MICU1: variants seen among roughly 807,000 people sequenced by gnomAD.
The protein encoded by MICU1 is mitochondrial calcium uptake 1.
MICU1 carries 45 observed loss-of-function variants against 56.8 expected under a neutral mutation model. That is an observed-to-expected ratio of 0.79 (90% CI 0.62 to 1.02). MICU1 has a LOEUF of 1.02. Ranked by LOEUF, MICU1 falls within the 50% of genes least tolerant of loss-of-function variation. MICU1 has a pLI of 0.00. For missense variants in MICU1, 504 were observed against 587.1 expected (o/e 0.86, Z 1.46); for synonymous variants, 186 against 195.1 (o/e 0.95, Z 0.39).
intron 1 of MICU1, among the ~76,000 whole-genome samples, chr10:72,624,697 T>C (rs1293218377): frequency 6.6e-6 from 1 of 152,180 alleles, no homozygotes; most frequent in Non-Finnish European, 1.5e-5. Flanking sequence ...GTTTTATGGC[T>C]CTCAGTAAGG....
chr10:72,449,321 C>T (rs1202625628), intron 8 of MICU1, among the ~76,000 whole-genome samples: 2 of 152,080 alleles, frequency 1.3e-5, no homozygotes, highest in Non-Finnish European at 2.9e-5. Flanking sequence ...TTGCTTGAAC[C>T]CAGGAGGCAG....
intron 9 of MICU1, among the ~76,000 whole-genome samples, chr10:72,421,022 T>G (rs201927599): frequency 1.5e-5 from 2 of 136,508 alleles, no homozygotes; most frequent in Non-Finnish European, 3.2e-5. Flanking sequence ...AAAAAAATAA[T>G]AATAATAATA....
chr10:72,404,555 A>G (rs577951686), intron 10 of MICU1, among the ~76,000 whole-genome samples: 170 of 133,198 alleles, frequency 1.3e-3, no homozygotes, highest in African/African-American at 6.8e-3. Context: ...TTTTTTAAAA[A>G]AGAAAGAGAA....
At chr10:72,403,774 G>A (rs1451501703) in intron 10 of MICU1, among the ~76,000 whole-genome samples, 1 of 151,526 alleles carries the variant, frequency 6.6e-6, no homozygotes, top group Non-Finnish European at 1.5e-5. Context: ...TCCTGCCTCA[G>A]CCTCCCAAGT....
intron 5 of MICU1, among the ~76,000 whole-genome samples, chr10:72,511,769 C>G (rs528175676): frequency 6.6e-6 from 1 of 152,314 alleles, no homozygotes; most frequent in East Asian, 1.9e-4. Context: ...TGCTTACACA[C>G]AATAAATGCT....
chr10:72,455,960 G>A (rs2132224516), intron 8 of MICU1, among the ~76,000 whole-genome samples: 1 of 152,274 alleles, frequency 6.6e-6, no homozygotes. Flanking sequence ...GGGCACTGGT[G>A]ACACAGGGAG....
intron 1 of MICU1, among the ~76,000 whole-genome samples, chr10:72,607,466 C>T (rs372121629): frequency 6.6e-6 from 1 of 151,720 alleles, no homozygotes; most frequent in African/African-American, 2.4e-5. Flanking sequence ...TGGTGAAACC[C>T]TGTCTCTACT....
chr10:72,445,335 TG>T (rs1865072828), intron 8 of MICU1, among the ~76,000 whole-genome samples: 1 of 152,224 alleles, frequency 6.6e-6, no homozygotes, highest in Non-Finnish European at 1.5e-5. Flanking sequence ...AAAACTCTAC[TG>T]TATCTTCAAT....
At chr10:72,584,108 G>T (rs985953298) in intron 1 of MICU1, among the ~76,000 whole-genome samples, 11 of 152,108 alleles carry the variant, frequency 7.2e-5, no homozygotes, top group African/African-American at 2.7e-4. Flanking sequence ...TTCTGTTAAG[G>T]AAAGATGCTA....
chr10:72,428,053 G>C (rs1370886210), intron 8 of MICU1, among the ~76,000 whole-genome samples: 1 of 151,982 alleles, frequency 6.6e-6, no homozygotes, highest in African/African-American at 2.4e-5. Flanking sequence ...AATTGACAAG[G>C]GACACTCAAG....
chr10:72,515,165 C>A (rs901092682), intron 5 of MICU1, among the ~76,000 whole-genome samples: 2 of 152,274 alleles, frequency 1.3e-5, no homozygotes, highest in South Asian at 4.1e-4. Flanking sequence ...CTTACAGCTG[C>A]CATTGCACTG....
At chr10:72,625,576 G>A (rs1351903940) in intron 1 of MICU1, among the ~76,000 whole-genome samples, 1 of 152,142 alleles carries the variant, frequency 6.6e-6, no homozygotes, top group Non-Finnish European at 1.5e-5. Flanking sequence ...CACTTATTTC[G>A]ATTCAGTGGT....
intron 1 of MICU1, among the ~76,000 whole-genome samples, chr10:72,584,638 C>T (rs1840996127): frequency 6.6e-6 from 1 of 151,910 alleles, no homozygotes; most frequent in Non-Finnish European, 1.5e-5. Context: ...CTGCAGCCTC[C>T]ACCTCCTGGG....
At chr10:72,397,282 G>C (rs967563034) in intron 10 of MICU1, among the ~76,000 whole-genome samples, 5 of 152,136 alleles carry the variant, frequency 3.3e-5, no homozygotes, top group Non-Finnish European at 7.4e-5. Context: ...CCTGAAGGAA[G>C]CACTAAACAT....
At chr10:72,542,802 C>A (rs983548053) in intron 4 of MICU1, among the ~76,000 whole-genome samples, 14 of 152,106 alleles carry the variant, frequency 9.2e-5, no homozygotes, top group Admixed American at 9.2e-4. Flanking sequence ...TGTCTGGTGT[C>A]CAGGAAAATT....
intron 8 of MICU1, among the ~76,000 whole-genome samples, chr10:72,434,011 T>C (rs1209448621): frequency 6.6e-6 from 1 of 152,130 alleles, no homozygotes; most frequent in Non-Finnish European, 1.5e-5. Context: ...TTAATCACAT[T>C]CCCCTTGTGG....
At chr10:72,465,813 C>T (rs1387087043) in intron 8 of MICU1, among the ~76,000 whole-genome samples, 1 of 152,036 alleles carries the variant, frequency 6.6e-6, no homozygotes, top group Non-Finnish European at 1.5e-5. Context: ...CATGCCTGGC[C>T]CTTGTTCAGG....
intron 6 of MICU1, among the ~76,000 whole-genome samples, chr10:72,489,397 T>C (rs557040885): frequency 2.0e-5 from 3 of 152,048 alleles, no homozygotes; most frequent in East Asian, 1.9e-4. Context: ...ATAAGGTAGA[T>C]AGTTGTAGTA....
intron 6 of MICU1, among the ~76,000 whole-genome samples, chr10:72,497,571 C>T (rs996245346): frequency 3.3e-5 from 5 of 152,130 alleles, no homozygotes; most frequent in African/African-American, 1.2e-4. Flanking sequence ...CTTTAAATAT[C>T]ATCAATTATT....
Sources: allele counts gnomAD v4.1 joint callset (sites outside exome capture counted in the v4.1 genomes callset), GRCh38; gene constraint gnomAD v4.1.1; transcripts MANE v1.5; gene names NCBI Gene and HGNC (gene_info 2026-07-23, HGNC 2026-07-21).